DLGAP2: variants seen among roughly 807,000 people sequenced by gnomAD.
DLGAP2 encodes the protein disks large-associated protein 2.
Under a neutral mutation model 100.3 loss-of-function variants are expected in DLGAP2, and 26 were observed. The ratio of observed to expected loss-of-function variants is 0.26; its 90% CI spans 0.19 to 0.36. The LOEUF (loss-of-function observed/expected upper bound fraction) is 0.36. Among genes scored for constraint, DLGAP2 ranks in the 10% least tolerant of loss-of-function variants. The pLI, the probability that DLGAP2 is intolerant of heterozygous loss-of-function variation, is 1.00. For synonymous variants in DLGAP2, 886 were observed against 630.1 expected (o/e 1.41, Z -6.08); for missense variants, 1,858 against 1,453.2 (o/e 1.28, Z -4.53).
At chr8:947,663 G>A (rs779080532) in intron 2 of DLGAP2, among the ~76,000 whole-genome samples, 1 of 152,164 alleles carries the variant, frequency 6.6e-6, no homozygotes, top group Non-Finnish European at 1.5e-5. Context: ...GCTCTTGGCC[G>A]GGCCATCCTG....
chr8:1,089,486 G>T (rs1209196805), intron 2 of DLGAP2, among the ~76,000 whole-genome samples: 2 of 152,200 alleles, frequency 1.3e-5, no homozygotes, highest in Non-Finnish European at 2.9e-5. Context: ...CTGTCCCCCA[G>T]GGTCTCTCCT....
At position 1,043,254 on chromosome 8, in the gene DLGAP2, TGTGGGTGGTGGATGTGGGTGGTGGAC is replaced by T. The variant is rs1368582232; in HGVS notation, c.73+135300_73+135325del. ...GTGGGTGGTGGGTGTGGGTGGTGGG[TGTGGGTGGTGGATGTGGGTGGTGGAC>T]GTGGGTGGTGGGTGTGGGTGGTGGG... On this transcript the variant is annotated intron_variant, in intron 2 of 14. Transcript: ENST00000637795. Among the ~76,000 whole-genome samples the T allele has an allele frequency of 2.8e-3, 221 of 79,376 alleles. 2 individuals are homozygous for T. The highest frequency in any genetic ancestry group is 9.8e-3 in the African/African-American group (200 of 20,342). 52.1% of individuals were successfully genotyped at this position (79,376 alleles called of 152,430 possible).
chr8:1,165,300 G>GGAGA (rs143237912), intron 2 of DLGAP2, among the ~76,000 whole-genome samples: 3 of 150,976 alleles, frequency 2.0e-5, no homozygotes, highest in South Asian at 2.1e-4. Context: ...AGAGAGACAG[G>GGAGA]GAGAGAGAGA....
intron 1 of DLGAP2, among the ~76,000 whole-genome samples, chr8:817,557 G>A (rs1004554719): frequency 6.6e-6 from 1 of 152,194 alleles, no homozygotes; most frequent in African/African-American, 2.4e-5. Context: ...CCTGTTACCA[G>A]AATTGTTTTT....
intron 1 of DLGAP2, among the ~76,000 whole-genome samples, chr8:771,409 A>G (rs1821356723): frequency 6.6e-6 from 1 of 152,206 alleles, no homozygotes; most frequent in Admixed American, 6.5e-5. Flanking sequence ...ACTTTCAGAA[A>G]CACATTTTGA....
At chr8:1,094,956 C>G (rs893796307) in intron 2 of DLGAP2, among the ~76,000 whole-genome samples, 7 of 152,226 alleles carry the variant, frequency 4.6e-5, no homozygotes, top group African/African-American at 1.4e-4. Context: ...AAGGACAGCT[C>G]TGCTCTTCAG....
At chr8:1,300,111 A>C (rs1277900501) in intron 3 of DLGAP2, 2 of 152,192 alleles carry the variant, frequency 1.3e-5, no homozygotes, top group African/African-American at 4.8e-5. Flanking sequence ...CTTCAAACAC[A>C]GCCACACTGG....
At chr8:1,285,622 A>AG (rs1206373980) in intron 3 of DLGAP2, among the ~76,000 whole-genome samples, 1 of 152,176 alleles carries the variant, frequency 6.6e-6, no homozygotes, top group Non-Finnish European at 1.5e-5. Flanking sequence ...GCTTTTTCAG[A>AG]GGGGAAAAAA....
intron 1 of DLGAP2, among the ~76,000 whole-genome samples, chr8:812,471 TA>T: frequency 6.6e-6 from 1 of 152,272 alleles, no homozygotes; most frequent in Admixed American, 6.5e-5. Context: ...AAGAGGAATG[TA>T]AAATTGAAGA....
At chr8:899,906 G>A (rs915420296) in intron 1 of DLGAP2, among the ~76,000 whole-genome samples, 5 of 152,200 alleles carry the variant, frequency 3.3e-5, no homozygotes, top group Middle Eastern at 3.2e-3. Flanking sequence ...ACTGTGGGAC[G>A]CCCCGTGGGA....
intron 3 of DLGAP2, among the ~76,000 whole-genome samples, chr8:1,332,125 A>T (rs144153257): frequency 4.6e-5 from 7 of 152,292 alleles, no homozygotes; most frequent in African/African-American, 9.6e-5. Context: ...GCTGCAGTCA[A>T]TGTGTCCTGG....
At chr8:747,206 G>T (rs1476095197) in intron 1 of DLGAP2, among the ~76,000 whole-genome samples, 1 of 152,034 alleles carries the variant, frequency 6.6e-6, no homozygotes, top group Non-Finnish European at 1.5e-5. Context: ...TTCTGAGTTT[G>T]TGTACTACCC....
At chr8:1,333,014 T>A (rs1801193278) in intron 3 of DLGAP2, among the ~76,000 whole-genome samples, 1 of 152,064 alleles carries the variant, frequency 6.6e-6, no homozygotes, top group South Asian at 2.1e-4. Flanking sequence ...GTGTGGAGCA[T>A]CAGGGCAGGG....
chr8:1,209,161 C>T (rs903780798), intron 2 of DLGAP2, among the ~76,000 whole-genome samples: 1 of 152,130 alleles, frequency 6.6e-6, no homozygotes, highest in East Asian at 1.9e-4. Flanking sequence ...TCCTAAAATT[C>T]ATATGGAACC....
intron 2 of DLGAP2, among the ~76,000 whole-genome samples, chr8:1,226,069 TA>T (rs1413126746): frequency 6.6e-6 from 1 of 152,070 alleles, no homozygotes; most frequent in Non-Finnish European, 1.5e-5. Context: ...ATATATCTAA[TA>T]AGGGGGTAAT....
At chr8:853,657 A>T (rs989225999) in intron 1 of DLGAP2, among the ~76,000 whole-genome samples, 1 of 152,238 alleles carries the variant, frequency 6.6e-6, no homozygotes, top group African/African-American at 2.4e-5. Context: ...TCTAGGGAGC[A>T]GTCTCAGGCC....
At chr8:1,156,904 G>C (rs1361287069) in intron 2 of DLGAP2, among the ~76,000 whole-genome samples, 9 of 152,176 alleles carry the variant, frequency 5.9e-5, no homozygotes, top group Admixed American at 5.9e-4. Flanking sequence ...GGAAGGCCCT[G>C]CCGTCCACTC....
chr8:911,480 T>C (rs1350070056), intron 2 of DLGAP2, among the ~76,000 whole-genome samples: 1 of 152,028 alleles, frequency 6.6e-6, no homozygotes, highest in Non-Finnish European at 1.5e-5. Context: ...GTTGGAAGGA[T>C]GCTGGAGAAC....
At chr8:1,263,035 T>G (rs1167729708) in intron 3 of DLGAP2, among the ~76,000 whole-genome samples, 1 of 152,190 alleles carries the variant, frequency 6.6e-6, no homozygotes, top group Non-Finnish European at 1.5e-5. Context: ...TAACAGTGTC[T>G]TCGATCTGTG....
Sources: gnomAD v4.1 joint callset for allele counts (sites outside exome capture counted in the v4.1 genomes callset) on GRCh38, gnomAD v4.1.1 for gene constraint, MANE v1.5 for transcripts, NCBI Gene and HGNC (gene_info 2026-07-23, HGNC 2026-07-21) for gene names.